The following DCDC2C variants were observed in gnomAD, a reference collection of about 807,000 sequenced individuals.
The protein encoded by DCDC2C is doublecortin domain containing 2C.
Under a neutral mutation model 45.0 loss-of-function variants are expected in DCDC2C, and 44 were observed. The ratio of observed to expected loss-of-function variants is 0.98; its 90% confidence interval spans 0.77 to 1.26. The LOEUF (loss-of-function observed/expected upper bound fraction) is 1.26. DCDC2C is among the 50% of genes most tolerant of loss of function. The probability of loss-of-function intolerance (pLI) is 0.00; values close to 1 mark genes in which losing one functional copy is unlikely to be tolerated. For missense variants in DCDC2C, 447 were observed against 468.9 expected (o/e 0.95, Z 0.43); for synonymous variants, 187 against 178.8 (o/e 1.05, Z -0.37).
intron 4 of DCDC2C, among the ~76,000 whole-genome samples, chr2:3,742,710 G>A (rs1004133391): frequency 2.0e-5 from 3 of 152,218 alleles, no homozygotes; most frequent in African/African-American, 7.2e-5. Flanking sequence ...GGCGTGAAAT[G>A]GGTTTGTGAT....
chr2:3,833,512 G>A (rs1379687624), intron 10 of DCDC2C, among the ~76,000 whole-genome samples: 1 of 152,172 alleles, frequency 6.6e-6, no homozygotes, highest in East Asian at 1.9e-4. Context: ...CATTGCCATT[G>A]TGTCAGCCTT....
intron 6 of DCDC2C, among the ~76,000 whole-genome samples, chr2:3,763,585 T>C (rs1354595886): frequency 1.3e-5 from 2 of 152,214 alleles, no homozygotes; most frequent in Non-Finnish European, 2.9e-5. Flanking sequence ...ACGGGGTCTC[T>C]AGTCTCACAG....
intron 6 of DCDC2C, among the ~76,000 whole-genome samples, chr2:3,762,166 T>TTTTTTTTTG: frequency 6.7e-6 from 1 of 150,278 alleles, no homozygotes; most frequent in South Asian, 2.1e-4. Flanking sequence ...TTGAACCTTT[T>TTTTTTTTTG]TTTTTTTTTT....
chr2:3,729,902 G>T (rs190542425), intron 3 of DCDC2C, among the ~76,000 whole-genome samples: 2 of 152,250 alleles, frequency 1.3e-5, no homozygotes, highest in South Asian at 4.2e-4. Flanking sequence ...GTATCTCAGC[G>T]CAGGAGTTGG....
intron 4 of DCDC2C, among the ~76,000 whole-genome samples, chr2:3,742,384 C>G (rs1669243436): frequency 6.6e-6 from 1 of 152,166 alleles, no homozygotes; most frequent in Non-Finnish European, 1.5e-5. Flanking sequence ...AATGAGGCCT[C>G]TCAGTTGGTC....
chr2:3,735,952 A>T (rs1669011227), intron 3 of DCDC2C, among the ~76,000 whole-genome samples: 1 of 152,268 alleles, frequency 6.6e-6, no homozygotes, highest in Non-Finnish European at 1.5e-5. Flanking sequence ...CTGGTTTTAA[A>T]TGATTTTTTG....
intron 3 of DCDC2C, among the ~76,000 whole-genome samples, chr2:3,733,589 G>T (rs576714474): frequency 6.6e-6 from 1 of 152,318 alleles, no homozygotes; most frequent in African/African-American, 2.4e-5. Context: ...CCGAGATTGA[G>T]GTGCTAGCAG....
At chr2:3,829,333 A>G (rs997949207) in intron 10 of DCDC2C, among the ~76,000 whole-genome samples, 12 of 150,166 alleles carry the variant, frequency 8.0e-5, no homozygotes, top group Admixed American at 8.0e-4. Context: ...CAACTAAGGA[A>G]TGGTTAAAAA....
chr2:3,753,479 T>C (rs1326134296), intron 5 of DCDC2C, among the ~76,000 whole-genome samples: 2 of 152,224 alleles, frequency 1.3e-5, no homozygotes, highest in Non-Finnish European at 1.5e-5. Context: ...TGTTTAGCCC[T>C]GACGGGTGTG....
At chr2:3,799,682 G>A (rs1489453423) in intron 10 of DCDC2C, among the ~76,000 whole-genome samples, 1 of 152,252 alleles carries the variant, frequency 6.6e-6, no homozygotes, top group Non-Finnish European at 1.5e-5. Context: ...GGCTGCTCGG[G>A]GGTCAGGGGT....
intron 10 of DCDC2C, among the ~76,000 whole-genome samples, chr2:3,807,547 C>A (rs1325643172): frequency 6.6e-6 from 1 of 151,908 alleles, no homozygotes; most frequent in Admixed American, 6.6e-5. Flanking sequence ...CCACCCTTTC[C>A]TTCTTGGGTC....
intron 10 of DCDC2C, among the ~76,000 whole-genome samples, chr2:3,797,155 G>A (rs201087712): frequency 0.099 from 14,994 of 152,002 alleles, 896 homozygotes; most frequent in East Asian, 0.28. Flanking sequence ...GTTTATTTGC[G>A]TAGAGTTGTT....
At chr2:3,723,472 G>A (rs1668550894) in intron 2 of DCDC2C, among the ~76,000 whole-genome samples, 2 of 152,216 alleles carry the variant, frequency 1.3e-5, no homozygotes, top group Non-Finnish European at 1.5e-5. Flanking sequence ...TGATGTTTCA[G>A]GAACTGCAAG....
At chr2:3,748,472 C>T (rs1382587304) in intron 4 of DCDC2C, among the ~76,000 whole-genome samples, 1 of 151,810 alleles carries the variant, frequency 6.6e-6, no homozygotes, top group Non-Finnish European at 1.5e-5. Context: ...ACTGTCGGTA[C>T]CATTCCTGAC....
chr2:3,727,194 T>G, intron 3 of DCDC2C, 115 bp downstream of exon 3: 1 of 735,630 alleles, frequency 1.4e-6, no homozygotes, highest in Non-Finnish European at 2.2e-6. Flanking sequence ...TCCCCTCCCC[T>G]CCCCCTGCTC....
intron 10 of DCDC2C, among the ~76,000 whole-genome samples, chr2:3,812,337 C>T (rs934868909): frequency 6.6e-6 from 1 of 151,776 alleles, no homozygotes; most frequent in Non-Finnish European, 1.5e-5. Flanking sequence ...AGGAATTTAT[C>T]AATTTCTTCC....
At chr2:3,787,018 A>G (rs750863077) in intron 10 of DCDC2C, among the ~76,000 whole-genome samples, 10 of 152,060 alleles carry the variant, frequency 6.6e-5, no homozygotes, top group Admixed American at 2.0e-4. Context: ...GGTTTTCCCC[A>G]CTCTTAACTC....
chr2:3,742,015 G>T lies in DCDC2C; in HGVS notation c.512G>T (p.Gly171Val). ...TGGGACATCGTGCTGGCCACGATCG[G>T]AGAAAAAGTCTTCCCTCTAGGAGGC... The part of the protein sequence containing the change: ...SDWDIVLATI[G>V]EKVFPLGGVR... Residue 171 changes from glycine to valine, a missense_variant, in exon 4 of 11, where the codon GGA (glycine) becomes GTA (valine). Gly to Val is a moderately radical substitution (Grantham distance 109). Coordinates refer to ENST00000399143, the MANE Select transcript of DCDC2C (RefSeq NM_001287444.2). 1 of 1,547,460 alleles carries T rather than the reference G, an allele frequency of 6.5e-7. No homozygotes were observed. Among genetic ancestry groups the T allele is most frequent in the South Asian group, 1.2e-5 (1 of 82,918 alleles).
intron 2 of DCDC2C, among the ~76,000 whole-genome samples, chr2:3,717,629 AC>A (rs1176946604): frequency 1.3e-5 from 2 of 152,002 alleles, no homozygotes; most frequent in African/African-American, 4.8e-5. Flanking sequence ...TGATCACGTC[AC>A]TTCCCTTGTT....
Sources: allele counts gnomAD v4.1 joint callset (sites outside exome capture counted in the v4.1 genomes callset), GRCh38; gene constraint gnomAD v4.1.1; transcripts MANE v1.5; gene names NCBI Gene and HGNC (gene_info 2026-07-23, HGNC 2026-07-21).